The following WWOX variants were observed in gnomAD, a reference collection of about 807,000 sequenced individuals.
WWOX encodes the protein WW domain-containing oxidoreductase.
In WWOX, 69 loss-of-function variants were observed where a neutral mutation model predicts 46.2. The observed-to-expected ratio is 1.49, with a 90% CI of 1.23 to 1.82. The LOEUF is 1.82. Among genes scored for constraint, WWOX ranks in the 40% most tolerant of loss-of-function variants. The pLI, the probability that WWOX is intolerant of heterozygous loss-of-function variation, is 0.00. For missense variants in WWOX, 919 were observed against 542.6 expected (o/e 1.69, Z -6.89); for synonymous variants, 359 against 202.6 (o/e 1.77, Z -6.56).
Position 78,339,585 on chromosome 16 carries a change from T to C in WWOX, c.517-47275T>C, listed in dbSNP as rs1007414626. On this transcript the variant is annotated intron_variant, in intron 5 of 8. Transcript: ENST00000566780. Reference sequence around the variant, plus strand: ...GGTTATTGTTTTGTGGGAGCATGTCTTGTAGTAGCTTTCTGAAAAAGGATG... The same window carrying C: ...GGTTATTGTTTTGTGGGAGCATGTCCTGTAGTAGCTTTCTGAAAAAGGATG... Among the ~76,000 whole-genome samples the C allele has an allele frequency of 4.2e-5, 5 of 120,164 alleles. 2 individuals carry two copies. Among genetic ancestry groups the C allele is most frequent in the Admixed American group, 1.6e-4 (2 of 12,262 alleles). The allele number at this position is 120,164 out of a possible 152,430, so 78.8% of individuals were successfully genotyped here. A position where few individuals can be genotyped will look rare whatever the true frequency, so the allele number is the denominator to read the frequency against.
chr16:78,402,483 G>T (rs969158183), intron 6 of WWOX, among the ~76,000 whole-genome samples: 9 of 152,130 alleles, frequency 5.9e-5, no homozygotes, highest in Non-Finnish European at 1.3e-4. Flanking sequence ...TGGGTGGGGG[G>T]TTGCAGTAAA....
At chr16:78,429,581 C>T (rs534597011) in intron 7 of WWOX, among the ~76,000 whole-genome samples, 2 of 152,084 alleles carry the variant, frequency 1.3e-5, no homozygotes, top group African/African-American at 4.8e-5. Flanking sequence ...TTATTCCATA[C>T]CTTTCAGATA....
Position 78,328,869 on chromosome 16 carries a change from CTTCTT to C in WWOX, c.517-57981_517-57977del, listed in dbSNP as rs761730900. The stretch of plus-strand genomic sequence containing the variant: ...TTTGTTTTCTTTTCTTTTCTCTTCT[CTTCTT>C]TTCTTTTCTAACAGTCTTGCTCTGT... On this transcript the variant is annotated intron_variant, in intron 5 of 8. Transcript: ENST00000566780. Among the ~76,000 whole-genome samples, 24 of 151,202 alleles carry C rather than the reference CTTCTT, an allele frequency of 1.6e-4. No homozygotes were observed. The East Asian group carries it at 1.9e-3, about 12-fold the overall frequency.
chr16:78,650,860 G>A (rs935433909), intron 8 of WWOX, among the ~76,000 whole-genome samples: 24 of 152,244 alleles, frequency 1.6e-4, no homozygotes, highest in Admixed American at 1.2e-3. Context: ...AGAATATTTC[G>A]GATTTATATT....
At chr16:78,671,626 C>G (rs920413178) in intron 8 of WWOX, among the ~76,000 whole-genome samples, 4 of 152,082 alleles carry the variant, frequency 2.6e-5, no homozygotes, top group African/African-American at 9.7e-5. Flanking sequence ...TAGAGATTCC[C>G]TATCTCATTT....
chr16:78,533,527 G>A (rs954344661), intron 8 of WWOX, among the ~76,000 whole-genome samples: 1 of 152,166 alleles, frequency 6.6e-6, no homozygotes, highest in Admixed American at 6.5e-5. Context: ...CTATGGTTTG[G>A]ACAAGCTTAG....
In WWOX at chr16:78,944,430, GGT is replaced by G. The variant is rs551279165; in HGVS notation, c.1057-267176_1057-267175del. Reference sequence around the variant, plus strand: ...GTTGAATGGAGTCAAATTATAAACAGGTGATGGGGGCAAATATCACAATATGA... The same window carrying G: ...GTTGAATGGAGTCAAATTATAAACAGGATGGGGGCAAATATCACAATATGA... On this transcript the variant is annotated intron_variant, in intron 8 of 8. Coordinates refer to ENST00000566780, the MANE Select transcript of WWOX (RefSeq NM_016373.4). 7.0e-4 allele frequency among the ~76,000 whole-genome samples: 107 copies of G among 152,250 alleles called. 1 individual carries two copies. Among genetic ancestry groups the G allele is most frequent in the African/African-American group, 2.4e-3 (100 of 41,538 alleles).
chr16:78,421,815 C>T (rs537874970), intron 6 of WWOX, among the ~76,000 whole-genome samples: 20 of 152,298 alleles, frequency 1.3e-4, no homozygotes, highest in African/African-American at 4.8e-4. Flanking sequence ...ACTTCTCCCT[C>T]ATGATATTAA....
intron 5 of WWOX, among the ~76,000 whole-genome samples, chr16:78,214,815 C>G (rs2036665491): frequency 1.4e-5 from 2 of 140,114 alleles, no homozygotes; most frequent in Non-Finnish European, 3.0e-5. Context: ...TATCAATAGT[C>G]AATGAATAAA....
chr16:78,369,925 G>T (rs2081629988), intron 5 of WWOX, among the ~76,000 whole-genome samples: 1 of 151,882 alleles, frequency 6.6e-6, no homozygotes, highest in Non-Finnish European at 1.5e-5. Context: ...ATAAGGCCAG[G>T]AGTTTGAGAC....
rs183410581 is a variant in WWOX, at chr16:78,164,179, A to T, written c.410-4A>T. The T allele has an allele frequency of 2.1e-4, 331 of 1,613,556 alleles. 1 individual carries two copies. The highest frequency in any genetic ancestry group is 3.0e-5 in the Non-Finnish European group (35 of 1,179,832). ...TCTAACATTGACTTTCCTTTAAACCATAGGGTTCGAAACCGCCAAGTCTTT... is the reference window on the plus strand; with the variant it reads ...TCTAACATTGACTTTCCTTTAAACCTTAGGGTTCGAAACCGCCAAGTCTTT... On this transcript the variant is annotated splice_polypyrimidine_tract_variant and splice_region_variant and intron_variant, in intron 4 of 8. Transcript: ENST00000566780.
intron 5 of WWOX, among the ~76,000 whole-genome samples, chr16:78,223,697 G>T (rs1452964752): frequency 1.3e-5 from 2 of 152,186 alleles, no homozygotes; most frequent in African/African-American, 2.4e-5. Context: ...GGGTGTTTGA[G>T]TTCAGTGGCA....
At chr16:78,614,676 C>G (rs1567437636) in intron 8 of WWOX, among the ~76,000 whole-genome samples, 6 of 152,210 alleles carry the variant, frequency 3.9e-5, no homozygotes, top group African/African-American at 1.4e-4. Context: ...AGGGCCTCGC[C>G]TTTTTGATAC....
chr16:78,575,024 TA>T (rs2044826285), intron 8 of WWOX, among the ~76,000 whole-genome samples: 2 of 3,412 alleles, frequency 5.9e-4, no homozygotes, highest in African/African-American at 1.6e-3. Context: ...TATATATAAA[TA>T]TATATATATA....
chr16:78,270,905 C>A (rs1321534661), intron 5 of WWOX, among the ~76,000 whole-genome samples: 1 of 152,136 alleles, frequency 6.6e-6, no homozygotes, highest in African/African-American at 2.4e-5. Flanking sequence ...AACTATCTGG[C>A]CCTTCACAGA....
At chr16:78,880,633 C>A (rs1278918845) in intron 8 of WWOX, among the ~76,000 whole-genome samples, 1 of 152,154 alleles carries the variant, frequency 6.6e-6, no homozygotes, top group Non-Finnish European at 1.5e-5. Context: ...TCCCTTTGCT[C>A]CTTATTTATT....
chr16:78,542,698 C>A (rs1002704460), intron 8 of WWOX, among the ~76,000 whole-genome samples: 1 of 152,180 alleles, frequency 6.6e-6, no homozygotes, highest in Non-Finnish European at 1.5e-5. Context: ...ATTAAATAGA[C>A]AATTCTTCTA....
chr16:79,008,372 A>T (rs1005168082), intron 8 of WWOX, among the ~76,000 whole-genome samples: 2 of 152,168 alleles, frequency 1.3e-5, no homozygotes, highest in South Asian at 4.1e-4. Context: ...CTTTTGATTA[A>T]TGCAAAACCA....
chr16:78,761,208 A>C (rs2049784657), intron 8 of WWOX, among the ~76,000 whole-genome samples: 1 of 152,152 alleles, frequency 6.6e-6, no homozygotes, highest in Admixed American at 6.5e-5. Context: ...AAATATAGTT[A>C]ATGGCCTCAT....
Sources: allele counts gnomAD v4.1 joint callset (sites outside exome capture counted in the v4.1 genomes callset), GRCh38; gene constraint gnomAD v4.1.1; transcripts MANE v1.5; gene names NCBI Gene and HGNC (gene_info 2026-07-23, HGNC 2026-07-21).